Variants in EIF3H observed in about 807,000 individuals in gnomAD.
EIF3H encodes eukaryotic translation initiation factor 3 subunit H, also known as eIF-3-gamma.
In EIF3H, 26 loss-of-function variants were observed where a neutral mutation model predicts 44.2. That is an observed-to-expected ratio of 0.59 (90% CI 0.43 to 0.82). The LOEUF is 0.82. Among genes scored for constraint, EIF3H ranks in the 40% least tolerant of loss-of-function variants. The probability of loss-of-function intolerance (pLI) is 0.00; values close to 1 mark genes in which losing one functional copy is unlikely to be tolerated. For missense variants in EIF3H, 359 were observed against 432.8 expected (o/e 0.83, Z 1.51); for synonymous variants, 166 against 151.9 (o/e 1.09, Z -0.68).
intron 2 of EIF3H, among the ~76,000 whole-genome samples, chr8:116,718,427 T>C (rs1041909680): frequency 1.3e-5 from 2 of 152,180 alleles, no homozygotes; most frequent in African/African-American, 4.8e-5. Context: ...TGTATGTTTA[T>C]AGCAGCACAA....
chr8:116,674,067 C>CAAAAAAAAAAAAAAAAAAAAAAAAAA (rs59899280), intron 2 of EIF3H, among the ~76,000 whole-genome samples: 1 of 49,660 alleles, frequency 2.0e-5, no homozygotes, highest in African/African-American at 9.2e-5. Context: ...AAGACTGTCT[C>CAAAAAAAAAAAAAAAAAAAAAAAAAA]AAAAAAAAAA....
chr8:116,741,259 T>C (rs904075213), intron 1 of EIF3H, among the ~76,000 whole-genome samples: 12 of 151,654 alleles, frequency 7.9e-5, no homozygotes, highest in African/African-American at 2.9e-4. Flanking sequence ...TCCTCAGAGA[T>C]TTTTTTTTCA....
At chr8:116,750,828 A>G (rs1287953430) in intron 1 of EIF3H, among the ~76,000 whole-genome samples, 2 of 152,222 alleles carry the variant, frequency 1.3e-5, no homozygotes, top group Non-Finnish European at 2.9e-5. Flanking sequence ...AACAAGGACA[A>G]CATTTTGGTC....
chr8:116,699,978 CA>C (rs752463634), intron 2 of EIF3H, among the ~76,000 whole-genome samples: 14 of 152,052 alleles, frequency 9.2e-5, no homozygotes, highest in Non-Finnish European at 1.9e-4. Flanking sequence ...GCTAATTTTG[CA>C]TTTTTTAGTA....
intron 1 of EIF3H, among the ~76,000 whole-genome samples, chr8:116,730,815 C>T (rs1814938739): frequency 6.6e-6 from 1 of 152,244 alleles, no homozygotes; most frequent in Non-Finnish European, 1.5e-5. Context: ...ATGGCAAACA[C>T]TTATCACTTA....
chr8:116,656,126 A>T (rs1041728159), intron 4 of EIF3H, 121 bp from the exon 5 acceptor site: 33 of 259,790 alleles, frequency 1.3e-4, no homozygotes, highest in Middle Eastern at 1.5e-3. Context: ...TAGCACTCTT[A>T]AAAAAAAAAA....
At chr8:116,707,733 T>G (rs888309211) in intron 2 of EIF3H, among the ~76,000 whole-genome samples, 1 of 152,152 alleles carries the variant, frequency 6.6e-6, no homozygotes, top group African/African-American at 2.4e-5. Flanking sequence ...CCACAAAATA[T>G]TGGTTTTATA....
At chr8:116,743,949 A>C (rs1032888346) in intron 1 of EIF3H, among the ~76,000 whole-genome samples, 3 of 151,524 alleles carry the variant, frequency 2.0e-5, no homozygotes, top group African/African-American at 7.3e-5. Context: ...TAACTTAGTC[A>C]GCAGCACTGT....
rs568368613 is a variant in EIF3H, at chr8:116,716,881, AAAAC to A, written c.289+9131_289+9134del. Among the ~76,000 whole-genome samples the A allele has an allele frequency of 9.2e-4, 140 of 152,230 alleles. 1 individual carries two copies. The highest frequency in any genetic ancestry group is 2.9e-3 in the African/African-American group (119 of 41,576). The stretch of plus-strand genomic sequence containing the variant: ...AAATCTCCTCTTTACATGAGGCACC[AAAAC>A]AAACAAACAAAACACCTGAAATATA... On this transcript the variant is annotated intron_variant, in intron 2 of 7. Transcript: ENST00000521861.
chr8:116,689,539 G>C (rs903323088), intron 2 of EIF3H, among the ~76,000 whole-genome samples: 8 of 152,136 alleles, frequency 5.3e-5, no homozygotes, highest in African/African-American at 1.9e-4. Context: ...AATAACTATA[G>C]ATTTCTGAAT....
At chr8:116,657,508 C>T (rs1813510957) in intron 3 of EIF3H, 194 bp from the exon 4 acceptor site, 3 of 580,556 alleles carry the variant, frequency 5.2e-6, no homozygotes, top group Non-Finnish European at 9.1e-6. Flanking sequence ...AGGAATACCT[C>T]TATCCTACTT....
chr8:116,676,809 A>G (rs1435446518), intron 2 of EIF3H, among the ~76,000 whole-genome samples: 2 of 152,148 alleles, frequency 1.3e-5, no homozygotes, highest in African/African-American at 2.4e-5. Context: ...TTGGTGCACT[A>G]TATTTCTGCT....
intron 2 of EIF3H, among the ~76,000 whole-genome samples, chr8:116,669,947 A>G (rs1813726827): frequency 6.6e-6 from 1 of 152,192 alleles, no homozygotes; most frequent in Non-Finnish European, 1.5e-5. Context: ...GATAGGAAAT[A>G]CAGCATTCCA....
intron 1 of EIF3H, among the ~76,000 whole-genome samples, chr8:116,738,571 C>G (rs1815080844): frequency 6.6e-6 from 1 of 152,142 alleles, no homozygotes; most frequent in Non-Finnish European, 1.5e-5. Flanking sequence ...TAAGAGAAGC[C>G]TAACTTATGC....
At chr8:116,734,073 G>C (rs1015309893) in intron 1 of EIF3H, among the ~76,000 whole-genome samples, 5 of 152,168 alleles carry the variant, frequency 3.3e-5, no homozygotes, top group African/African-American at 7.2e-5. Flanking sequence ...AGTCGTGAAA[G>C]AATGAGAGTA....
chr8:116,692,577 G>T (rs1475881129), intron 2 of EIF3H, among the ~76,000 whole-genome samples: 1 of 152,092 alleles, frequency 6.6e-6, no homozygotes, highest in Non-Finnish European at 1.5e-5. Flanking sequence ...AAATGACTGA[G>T]ACTTACTTAA....
At chr8:116,680,301 CG>C (rs1813959183) in intron 2 of EIF3H, among the ~76,000 whole-genome samples, 1 of 43,150 alleles carries the variant, frequency 2.3e-5, no homozygotes, top group African/African-American at 7.3e-5. Context: ...CCCCTCTGCC[CG>C]GCCACGACCC....
intron 2 of EIF3H, among the ~76,000 whole-genome samples, chr8:116,719,744 G>A (rs1392773290): frequency 2.0e-5 from 3 of 152,034 alleles, no homozygotes; most frequent in Admixed American, 6.6e-5. Context: ...ATGAGGTTAT[G>A]AAAAACTAAA....
intron 5 of EIF3H, among the ~76,000 whole-genome samples, chr8:116,654,688 C>T (rs1430071841): frequency 1.3e-5 from 2 of 152,156 alleles, no homozygotes; most frequent in Admixed American, 6.5e-5. Flanking sequence ...ATTAGCCTTG[C>T]AACCTGGCTG....
Sources: allele counts gnomAD v4.1 joint callset (sites outside exome capture counted in the v4.1 genomes callset), GRCh38; gene constraint gnomAD v4.1.1; transcripts MANE v1.5; gene names NCBI Gene and HGNC (gene_info 2026-07-23, HGNC 2026-07-21).